The following GRM5 variants were observed in gnomAD, a reference collection of about 807,000 sequenced individuals.
The protein encoded by GRM5 is metabotropic glutamate receptor 5.
Under a neutral mutation model 83.1 loss-of-function variants are expected in GRM5, and 19 were observed. That is an observed-to-expected ratio of 0.23 (90% CI 0.16 to 0.34). The LOEUF is 0.34. Among genes scored for constraint, GRM5 ranks in the 10% least tolerant of loss-of-function variants. The probability of loss-of-function intolerance (pLI) is 1.00; values close to 1 mark genes in which losing one functional copy is unlikely to be tolerated. For missense variants in GRM5, 1,160 were observed against 1,588.3 expected (o/e 0.73, Z 4.58); for synonymous variants, 675 against 633.6 (o/e 1.07, Z -0.98).
intron 4 of GRM5, among the ~76,000 whole-genome samples, chr11:88,622,156 G>A (rs1219898462): frequency 6.6e-6 from 1 of 152,104 alleles, no homozygotes; most frequent in South Asian, 2.1e-4. Flanking sequence ...TTCAAAGGTA[G>A]CCATTAAAGA....
intron 2 of GRM5, among the ~76,000 whole-genome samples, chr11:89,007,774 A>C (rs771951518): frequency 5.9e-5 from 9 of 152,090 alleles, no homozygotes; most frequent in Non-Finnish European, 1.0e-4. Context: ...CAGTTAGAAG[A>C]CTCTTATGAA....
intron 8 of GRM5, among the ~76,000 whole-genome samples, chr11:88,541,783 G>T (rs544060138): frequency 6.6e-6 from 1 of 152,212 alleles, no homozygotes; most frequent in East Asian, 1.9e-4. Flanking sequence ...CACTTATATG[G>T]TTTGGCTCTC....
chr11:88,766,743 C>G (rs1382731641), intron 3 of GRM5, among the ~76,000 whole-genome samples: 1 of 151,974 alleles, frequency 6.6e-6, no homozygotes, highest in African/African-American at 2.4e-5. Context: ...GCAAAAGGAA[C>G]TATCAACAGA....
chr11:88,891,581 A>AT lies in GRM5; in HGVS notation c.662-41427dup, dbSNP rs201688442. ...GAATAATACCAATATATGTTCCAAA[A>AT]TTGTATGGGATTTCTAAAATTCTAA... On this transcript the variant is annotated intron_variant, in intron 2 of 9. Coordinates refer to ENST00000305447, the MANE Select transcript of GRM5 (RefSeq NM_001143831.3). Among the ~76,000 whole-genome samples the AT allele has an allele frequency of 7.3e-3, 649 of 89,384 alleles. 10 individuals carry two copies. Among genetic ancestry groups the AT allele is most frequent in the Admixed American group, 0.019 (140 of 7,346 alleles). 58.6% of individuals were successfully genotyped at this position (89,384 alleles called of 152,430 possible).
intron 1 of GRM5, 27 bp from the exon 2 acceptor site, chr11:89,048,099 T>C (rs1941682175): frequency 2.0e-6 from 1 of 500,466 alleles, no homozygotes; most frequent in Non-Finnish European, 3.5e-6. Flanking sequence ...AACATGGGTC[T>C]TTAACAAACA....
At chr11:88,653,099 C>T in intron 4 of GRM5, 69 bp downstream of exon 4, 1 of 937,908 alleles carries the variant, frequency 1.1e-6, no homozygotes, top group Non-Finnish European at 1.7e-6. Flanking sequence ...CCACTATCCC[C>T]ATGACATGGT....
intron 2 of GRM5, among the ~76,000 whole-genome samples, chr11:88,866,630 T>C (rs1944670974): frequency 6.6e-6 from 1 of 152,042 alleles, no homozygotes; most frequent in Non-Finnish European, 1.5e-5. Flanking sequence ...AAATGAAGCA[T>C]TGACAATATG....
chr11:88,660,044 C>A (rs895155810), intron 3 of GRM5, among the ~76,000 whole-genome samples: 10 of 152,134 alleles, frequency 6.6e-5, no homozygotes, highest in East Asian at 1.9e-4. Context: ...CATTTGAATG[C>A]CTCCTCTGTG....
chr11:88,687,478 A>AAAACAAACAAACAAACAAAAATAC (rs1940655753), intron 3 of GRM5, among the ~76,000 whole-genome samples: 2 of 108,578 alleles, frequency 1.8e-5, no homozygotes, highest in African/African-American at 7.9e-5. Context: ...CTTGGTCTCA[A>AAAACAAACAAACAAACAAAAATAC]AAACAAACAA....
At chr11:88,773,244 T>C (rs937720327) in intron 3 of GRM5, among the ~76,000 whole-genome samples, 1 of 152,238 alleles carries the variant, frequency 6.6e-6, no homozygotes, top group African/African-American at 2.4e-5. Context: ...TGCATAGATG[T>C]CTTCTTTTGA....
intron 8 of GRM5, among the ~76,000 whole-genome samples, chr11:88,547,972 C>T (rs963147960): frequency 3.9e-5 from 6 of 152,090 alleles, no homozygotes; most frequent in Admixed American, 3.3e-4. Flanking sequence ...ATTTGATCTA[C>T]AAAATGCCTT....
intron 2 of GRM5, among the ~76,000 whole-genome samples, chr11:88,906,244 T>C (rs1945401769): frequency 1.3e-5 from 2 of 152,172 alleles, no homozygotes; most frequent in African/African-American, 2.4e-5. Context: ...TCAGCACTTA[T>C]ATTGGTCTAT....
Position 89,001,163 on chromosome 11 carries a change from A to C in GRM5, c.661+46049T>G, listed in dbSNP as rs566449330. Among the ~76,000 whole-genome samples the C allele has an allele frequency of 3.9e-5, 6 of 152,206 alleles. No homozygotes were observed. The South Asian group carries it at 1.2e-3, about 32-fold the overall frequency. Reference sequence around the variant, plus strand: ...ATGTTAAGGTTTCTTGGTGGAAAAAAAAATTGCCAAACTACATTTTCCACT... The same window carrying C: ...ATGTTAAGGTTTCTTGGTGGAAAAACAAATTGCCAAACTACATTTTCCACT... On this transcript the variant is annotated intron_variant, in intron 2 of 9. Coordinates refer to ENST00000305447, the MANE Select transcript of GRM5 (RefSeq NM_001143831.3).
intron 8 of GRM5, among the ~76,000 whole-genome samples, chr11:88,553,383 A>G (rs920975894): frequency 6.6e-6 from 1 of 152,118 alleles, no homozygotes; most frequent in Non-Finnish European, 1.5e-5. Context: ...ATGTGTCCAC[A>G]GTTCACTCAG....
At chr11:89,032,504 A>T (rs1257323918) in intron 2 of GRM5, among the ~76,000 whole-genome samples, 1 of 152,070 alleles carries the variant, frequency 6.6e-6, no homozygotes, top group Non-Finnish European at 1.5e-5. Flanking sequence ...ACCTTAGACA[A>T]GTTGTTTAAA....
chr11:88,988,242 C>T (rs1939809182), intron 2 of GRM5, among the ~76,000 whole-genome samples: 1 of 152,068 alleles, frequency 6.6e-6, no homozygotes, highest in Non-Finnish European at 1.5e-5. Context: ...ATGCAATCAA[C>T]TGGAAGAAAG....
At chr11:88,796,214 A>G (rs1943271013) in intron 3 of GRM5, among the ~76,000 whole-genome samples, 1 of 152,216 alleles carries the variant, frequency 6.6e-6, no homozygotes, top group Non-Finnish European at 1.5e-5. Context: ...ATGAAAGCAA[A>G]GCAAGGTCAG....
At position 89,004,173 on chromosome 11, in the gene GRM5, T is replaced by C. The variant is rs576249774; in HGVS notation, c.661+43039A>G. On this transcript the variant is annotated intron_variant, in intron 2 of 9. Coordinates refer to ENST00000305447, the MANE Select transcript of GRM5 (RefSeq NM_001143831.3). Reference sequence around the variant, plus strand: ...AGGTACTAAATGCTATGTTTTCAAATGAATACTTAACAACTTTCTCTTAAA... The same window carrying C: ...AGGTACTAAATGCTATGTTTTCAAACGAATACTTAACAACTTTCTCTTAAA... Among the ~76,000 whole-genome samples, 22 of 152,266 alleles carry C rather than the reference T, an allele frequency of 1.4e-4. 1 individual carries two copies. The South Asian group carries it at 4.6e-3, about 32-fold the overall frequency.
chr11:88,657,769 C>G (rs1039042119), intron 3 of GRM5, among the ~76,000 whole-genome samples: 2 of 152,060 alleles, frequency 1.3e-5, no homozygotes, highest in Non-Finnish European at 2.9e-5. Flanking sequence ...CTATAACCTT[C>G]CTTCTTTTCT....
Sources: gnomAD v4.1 joint callset for allele counts (sites outside exome capture counted in the v4.1 genomes callset) on GRCh38, gnomAD v4.1.1 for gene constraint, MANE v1.5 for transcripts, NCBI Gene and HGNC (gene_info 2026-07-23, HGNC 2026-07-21) for gene names.